Variants in PLA2R1 observed in about 807,000 individuals in gnomAD.
PLA2R1 encodes phospholipase A2 receptor 1.
A neutral mutation model predicts 195.9 loss-of-function variants in PLA2R1; 158 were observed. The ratio of observed to expected loss-of-function variants is 0.81; its 90% CI spans 0.71 to 0.92. The LOEUF is 0.92. PLA2R1 is among the 40% of genes least tolerant of loss of function. The pLI, the probability that PLA2R1 is intolerant of heterozygous loss-of-function variation, is 0.00. For synonymous variants in PLA2R1, 586 were observed against 598.2 expected (o/e 0.98, Z 0.30); for missense variants, 1,626 against 1,764.6 (o/e 0.92, Z 1.41).
chr2:159,946,924 G>T lies in PLA2R1; in HGVS notation c.3851-7C>A. On this transcript the variant is annotated splice_region_variant and splice_polypyrimidine_tract_variant and intron_variant, in intron 26 of 29. Transcript: ENST00000283243. ...ATTGTTAAAAGATTAGAACCTATAAGAGAGACAAGTAGCAAAGGAATATTT... is the reference window on the plus strand; with the variant it reads ...ATTGTTAAAAGATTAGAACCTATAATAGAGACAAGTAGCAAAGGAATATTT... The T allele has an allele frequency of 6.5e-7, 1 of 1,539,676 alleles. No individual in the cohort carries two copies. The highest frequency in any genetic ancestry group is 8.9e-7 in the Non-Finnish European group (1 of 1,122,516).
At chr2:159,989,205 G>A (rs1690579322) in intron 11 of PLA2R1, among the ~76,000 whole-genome samples, 1 of 152,152 alleles carries the variant, frequency 6.6e-6, no homozygotes, top group African/African-American at 2.4e-5. Flanking sequence ...CAGGCAAGGG[G>A]GAGAGATTAT....
At chr2:160,058,891 G>T (rs1398484472) in intron 1 of PLA2R1, among the ~76,000 whole-genome samples, 1 of 152,178 alleles carries the variant, frequency 6.6e-6, no homozygotes, top group Non-Finnish European at 1.5e-5. Context: ...TACATTTATT[G>T]TGCACTTTAC....
In PLA2R1 at chr2:159,941,998, A is replaced by T; in HGVS notation, c.4178-6T>A. 1 of 1,609,990 alleles carries T rather than the reference A, an allele frequency of 6.2e-7. No individual in the cohort carries two copies. The highest frequency in any genetic ancestry group is 8.5e-7 in the Non-Finnish European group (1 of 1,177,646). ...AATGATGCTGTGACTTGGTCCTGAA[A>T]GAAGATATTTTTCTTAAAAAAAGAA... On this transcript the variant is annotated splice_polypyrimidine_tract_variant and splice_region_variant and intron_variant, in intron 29 of 29. Transcript: ENST00000283243.
chr2:159,967,504 G>A (rs1374394389), intron 20 of PLA2R1, 35 bp downstream of exon 20: 4 of 1,593,058 alleles, frequency 2.5e-6, no homozygotes, highest in Non-Finnish European at 3.4e-6. Context: ...GTCTACAAAA[G>A]AGAAACAAAG....
intron 1 of PLA2R1, among the ~76,000 whole-genome samples, chr2:160,059,191 T>TAAATAC: frequency 6.6e-6 from 1 of 152,296 alleles, no homozygotes; most frequent in East Asian, 1.9e-4. Flanking sequence ...GGAGCAGCTG[T>TAAATAC]AAATACAGAT....
At chr2:160,055,435 T>C (rs990495255) in intron 1 of PLA2R1, among the ~76,000 whole-genome samples, 1 of 152,220 alleles carries the variant, frequency 6.6e-6, no homozygotes, top group Non-Finnish European at 1.5e-5. Context: ...GAACAATACA[T>C]AAATCAGTAG....
At chr2:159,999,281 G>A (rs1235703276) in intron 11 of PLA2R1, among the ~76,000 whole-genome samples, 1 of 150,798 alleles carries the variant, frequency 6.6e-6, no homozygotes, top group African/African-American at 2.4e-5. Flanking sequence ...CTATATATGA[G>A]TTATTTATTG....
intron 2 of PLA2R1, 133 bp downstream of exon 2, chr2:160,044,641 A>C: frequency 1.4e-6 from 1 of 717,596 alleles, no homozygotes; most frequent in Non-Finnish European, 2.3e-6. Flanking sequence ...AAGCAACTAA[A>C]ATGTATTTAG....
At chr2:160,051,105 A>G (rs1331482281) in intron 1 of PLA2R1, among the ~76,000 whole-genome samples, 1 of 152,238 alleles carries the variant, frequency 6.6e-6, no homozygotes, top group Non-Finnish European at 1.5e-5. Flanking sequence ...AACAATTTTA[A>G]TGGTGGCATT....
intron 1 of PLA2R1, among the ~76,000 whole-genome samples, 158 bp downstream of exon 1, chr2:160,062,137 C>G (rs551252081): frequency 2.5e-3 from 374 of 152,054 alleles, no homozygotes; most frequent in African/African-American, 8.6e-3. Context: ...ACCACCCGCT[C>G]CCCCCATGCT....
intron 10 of PLA2R1, among the ~76,000 whole-genome samples, 158 bp downstream of exon 10, chr2:160,013,105 T>C (rs1299445829): frequency 1.3e-5 from 2 of 152,214 alleles, no homozygotes. Flanking sequence ...TAACATAGTA[T>C]AATTTAAATT....
In PLA2R1 at chr2:159,940,854, A is replaced by G. The variant is rs1169079848; in HGVS notation, c.*924T>C. 2 of 152,184 alleles carry G rather than the reference A, an allele frequency of 1.3e-5. No individual in the cohort carries two copies. The highest frequency in any genetic ancestry group is 2.9e-5 in the Non-Finnish European group (2 of 68,022). The allele number at this position is 152,184 out of a possible 1,614,324, so 9.4% of individuals were successfully genotyped here. A position where few individuals can be genotyped will look rare whatever the true frequency, so the allele number is the denominator to read the frequency against. On this transcript the variant is annotated 3_prime_UTR_variant, in exon 30 of 30. Coordinates refer to ENST00000283243, the MANE Select transcript of PLA2R1 (RefSeq NM_007366.5). ...TCTCAACAACATCTGTCTGGTTCTA[A>G]TGAGACTATAATTCAGATCTTTAGC...
chr2:159,970,341 T>TAAGG (rs1431705651), intron 17 of PLA2R1, 129 bp from the exon 18 acceptor site: 1 of 527,020 alleles, frequency 1.9e-6, no homozygotes, highest in Non-Finnish European at 3.3e-6. Context: ...AAGAATACAC[T>TAAGG]AAGGCCTAGC....
chr2:160,025,053 G>A (rs983617433), intron 6 of PLA2R1, among the ~76,000 whole-genome samples: 1 of 152,164 alleles, frequency 6.6e-6, no homozygotes, highest in Admixed American at 6.5e-5. Context: ...TGCTTCCCAA[G>A]TTACAGCCGT....
chr2:160,011,086 T>G (rs1214726598), intron 10 of PLA2R1, among the ~76,000 whole-genome samples: 1 of 152,224 alleles, frequency 6.6e-6, no homozygotes, highest in Non-Finnish European at 1.5e-5. Flanking sequence ...TGAATACAGT[T>G]TACCAGAGAA....
At chr2:159,925,184 G>A in the PLA2R1 span, among the ~76,000 whole-genome samples, 1 of 86,546 alleles carries the variant, frequency 1.2e-5, no homozygotes, top group East Asian at 3.4e-4. Context: ...TTCCACGTCA[G>A]TTATAAAAAA....
At position 160,005,651 on chromosome 2, in the gene PLA2R1, C is replaced by T. The variant is rs775745800; in HGVS notation, c.1834+1G>A. On this transcript the variant is annotated splice_donor_variant, in intron 11 of 29. Transcript: ENST00000283243. LOFTEE classifies it high-confidence loss of function. ...TTGGTGATGCAGCACACTCTACTCA[C>T]GCGGCTGGTGTGTGTTCCAGTGTGT... The T allele has an allele frequency of 1.6e-5, 25 of 1,612,322 alleles. No individual in the cohort carries two copies. Among genetic ancestry groups the T allele is most frequent in the Non-Finnish European group, 1.8e-5 (21 of 1,178,954 alleles).
At chr2:159,965,603 T>C (rs1688735535) in intron 20 of PLA2R1, among the ~76,000 whole-genome samples, 1 of 152,248 alleles carries the variant, frequency 6.6e-6, no homozygotes, top group South Asian at 2.1e-4. Flanking sequence ...GTTATAAATA[T>C]TCATGGACAG....
intron 23 of PLA2R1, 82 bp downstream of exon 23, chr2:159,955,117 G>T: frequency 9.9e-7 from 1 of 1,009,996 alleles, no homozygotes. Flanking sequence ...AGCTACATTA[G>T]CTACACAGCT....
Sources: allele counts gnomAD v4.1 joint callset (sites outside exome capture counted in the v4.1 genomes callset), GRCh38; gene constraint gnomAD v4.1.1; transcripts MANE v1.5; gene names NCBI Gene and HGNC (gene_info 2026-07-23, HGNC 2026-07-21).